Variants in AOAH observed in about 807,000 individuals in gnomAD.
AOAH encodes acyloxyacyl hydrolase.
A neutral mutation model predicts 92.2 loss-of-function variants in AOAH; 64 were observed. The ratio of observed to expected loss-of-function variants is 0.69; its 90% CI spans 0.57 to 0.86. The LOEUF is 0.86. AOAH is among the 40% of genes least tolerant of loss of function. AOAH has a pLI of 0.00. For synonymous variants in AOAH, 263 were observed against 254.5 expected (o/e 1.03, Z -0.32); for missense variants, 656 against 694.6 (o/e 0.94, Z 0.62).
At chr7:36,649,698 T>C (rs928844128) in intron 4 of AOAH, among the ~76,000 whole-genome samples, 1 of 152,206 alleles carries the variant, frequency 6.6e-6, no homozygotes, top group Non-Finnish European at 1.5e-5. Flanking sequence ...CTATTAAATC[T>C]TGCAATTGCA....
intron 1 of AOAH, among the ~76,000 whole-genome samples, chr7:36,721,243 TG>T (rs1294898614): frequency 3.3e-5 from 5 of 152,146 alleles, no homozygotes; most frequent in African/African-American, 9.7e-5. Context: ...CTGTTTGATG[TG>T]GGAATTCCAA....
intron 1 of AOAH, among the ~76,000 whole-genome samples, chr7:36,716,351 A>G (rs1402287963): frequency 6.6e-6 from 1 of 150,990 alleles, no homozygotes; most frequent in Non-Finnish European, 1.5e-5. Context: ...GTGGAGAAAT[A>G]GGAACACTTT....
intron 16 of AOAH, among the ~76,000 whole-genome samples, chr7:36,536,176 C>G (rs769961330): frequency 6.6e-6 from 1 of 152,194 alleles, no homozygotes; most frequent in Non-Finnish European, 1.5e-5. Context: ...CCTGCCTTCA[C>G]TGGTTGCTCA....
intron 1 of AOAH, among the ~76,000 whole-genome samples, chr7:36,722,935 G>GA (rs11407908): frequency 0.59 from 29,238 of 49,530 alleles, 10,030 homozygotes; most frequent in East Asian, 0.73. Context: ...ATCCATCTCA[G>GA]AAAAAAAAAA....
chr7:36,638,014 GA>G, intron 4 of AOAH, 104 bp from the exon 5 acceptor site: 1 of 840,682 alleles, frequency 1.2e-6, no homozygotes, highest in East Asian at 2.6e-5. Context: ...TTCAATAAAT[GA>G]ACCACTCCAT....
chr7:36,681,302 A>T (rs1796627499), intron 2 of AOAH, among the ~76,000 whole-genome samples: 1 of 152,252 alleles, frequency 6.6e-6, no homozygotes, highest in East Asian at 1.9e-4. Flanking sequence ...GGAATAAACA[A>T]ATAAAATATA....
intron 5 of AOAH, among the ~76,000 whole-genome samples, chr7:36,635,588 T>A (rs1020782308): frequency 1.3e-5 from 2 of 152,186 alleles, no homozygotes; most frequent in African/African-American, 4.8e-5. Context: ...GGGTTTGTGA[T>A]CAGGGCTGTC....
At chr7:36,685,841 G>C (rs1423340163) in intron 2 of AOAH, among the ~76,000 whole-genome samples, 1 of 152,010 alleles carries the variant, frequency 6.6e-6, no homozygotes, top group African/African-American at 2.4e-5. Context: ...CTTTGTTTTT[G>C]AATTCTAAAC....
intron 1 of AOAH, among the ~76,000 whole-genome samples, chr7:36,710,216 T>C (rs188391573): frequency 6.6e-6 from 1 of 152,314 alleles, no homozygotes; most frequent in East Asian, 1.9e-4. Flanking sequence ...GCATATGTAA[T>C]TAAGGACTCC....
At chr7:36,583,538 A>G (rs1196708564) in intron 12 of AOAH, among the ~76,000 whole-genome samples, 2 of 152,186 alleles carry the variant, frequency 1.3e-5, no homozygotes, top group Admixed American at 6.5e-5. Flanking sequence ...CATACAGAAT[A>G]TGACTCACCG....
chr7:36,646,776 T>C (rs1794249419), intron 4 of AOAH, among the ~76,000 whole-genome samples: 1 of 152,176 alleles, frequency 6.6e-6, no homozygotes, highest in Admixed American at 6.5e-5. Context: ...GCCTCTGTTG[T>C]CACATTTTTT....
intron 1 of AOAH, among the ~76,000 whole-genome samples, chr7:36,712,536 C>T (rs1160444209): frequency 6.6e-6 from 1 of 152,098 alleles, no homozygotes; most frequent in African/African-American, 2.4e-5. Context: ...TATTCTGCAA[C>T]ATTTGAAAAG....
chr7:36,517,176 T>TTCTTTCTA (rs1554360866), intron 20 of AOAH, among the ~76,000 whole-genome samples: 1 of 47,500 alleles, frequency 2.1e-5, no homozygotes, highest in Non-Finnish European at 4.8e-5. Context: ...CTTTCTTTCT[T>TTCTTTCTA]TCTTTCTTTC....
At chr7:36,634,025 C>G (rs938605032) in intron 5 of AOAH, among the ~76,000 whole-genome samples, 2 of 151,930 alleles carry the variant, frequency 1.3e-5, no homozygotes, top group African/African-American at 4.8e-5. Context: ...AATATTGCCA[C>G]GAGTTGGGAA....
intron 1 of AOAH, chr7:36,689,948 T>G (rs1797282571): frequency 3.6e-6 from 1 of 274,820 alleles, no homozygotes; most frequent in Admixed American, 5.0e-5. Flanking sequence ...TCTCCATTCC[T>G]ATGACCCCAG....
intron 12 of AOAH, among the ~76,000 whole-genome samples, chr7:36,588,453 CT>C (rs1372387109): frequency 6.6e-6 from 1 of 152,272 alleles, no homozygotes; most frequent in Admixed American, 6.5e-5. Context: ...GACCACCTCT[CT>C]GGTTAATTAT....
chr7:36,573,810 ATGAAAATAGGAGCTGT>A (rs1478237144), intron 13 of AOAH, among the ~76,000 whole-genome samples: 1 of 152,226 alleles, frequency 6.6e-6, no homozygotes, highest in Non-Finnish European at 1.5e-5. Flanking sequence ...AAGGATCAGG[ATGAAAATAGGAGCTGT>A]TTCTTTAATT....
intron 19 of AOAH, among the ~76,000 whole-genome samples, chr7:36,528,656 C>T (rs529540009): frequency 2.6e-5 from 4 of 152,232 alleles, no homozygotes; most frequent in African/African-American, 7.2e-5. Flanking sequence ...AGTTGAGTGA[C>T]GTGATCACAA....
At chr7:36,655,220 A>G (rs907042033) in intron 4 of AOAH, among the ~76,000 whole-genome samples, 1 of 152,226 alleles carries the variant, frequency 6.6e-6, no homozygotes, top group African/African-American at 2.4e-5. Flanking sequence ...GGACAACAAT[A>G]CCTATTCCAT....
Sources: allele counts gnomAD v4.1 joint callset (sites outside exome capture counted in the v4.1 genomes callset), GRCh38; gene constraint gnomAD v4.1.1; transcripts MANE v1.5; gene names NCBI Gene and HGNC (gene_info 2026-07-23, HGNC 2026-07-21).